The following ARHGAP10 variants were observed in gnomAD, a reference collection of about 807,000 sequenced individuals.
The protein encoded by ARHGAP10 is Rho GTPase activating protein 10.
In ARHGAP10, 87 loss-of-function variants were observed where a neutral mutation model predicts 108.6. The observed-to-expected ratio is 0.80, with a 90% confidence interval of 0.67 to 0.96. ARHGAP10 has a LOEUF of 0.96. Ranked by LOEUF, ARHGAP10 falls within the 40% of genes least tolerant of loss-of-function variation. ARHGAP10 has a pLI of 0.00. For missense variants in ARHGAP10, 939 were observed against 954.5 expected, an observed-to-expected ratio of 0.98 and a Z score of 0.21; for synonymous variants, 347 against 341.1, an observed-to-expected ratio of 1.02 and a Z score of -0.19.
At chr4:147,960,113 T>G (rs1433417695) in intron 16 of ARHGAP10, among the ~76,000 whole-genome samples, 1 of 152,230 alleles carries the variant, frequency 6.6e-6, no homozygotes, top group Non-Finnish European at 1.5e-5. Flanking sequence ...GTTTTTATTT[T>G]CTCTAGTGTT....
At chr4:147,944,430 CAT>C (rs1348453600) in intron 14 of ARHGAP10, among the ~76,000 whole-genome samples, 14 of 152,328 alleles carry the variant, frequency 9.2e-5, no homozygotes, top group African/African-American at 3.4e-4. Context: ...TAATTGACCT[CAT>C]ATGTATGATG....
At chr4:147,967,510 C>A (rs918206384) in intron 18 of ARHGAP10, among the ~76,000 whole-genome samples, 17 of 152,170 alleles carry the variant, frequency 1.1e-4, no homozygotes, top group African/African-American at 3.1e-4. Flanking sequence ...CCCAGGTGAT[C>A]CATGTTGGGG....
rs575635660 is a variant in ARHGAP10 at position 148,023,333 on chromosome 4, C to T, written c.1787C>T (p.Pro596Leu). The T allele has an allele frequency of 3.3e-5, 54 of 1,614,216 alleles. No homozygotes were observed. The South Asian group carries it at 4.8e-4, about 14-fold the overall frequency. The change falls in exon 19 of 23, where the codon CCA becomes CTA. Residue 596 changes from proline to leucine, a missense_variant. By Grantham distance (98) the Pro-to-Leu change is moderately conservative (BLOSUM62 -3). Coordinates refer to ENST00000336498, the MANE Select transcript of ARHGAP10 (RefSeq NM_024605.4). ...TCLSASPPNA[P>L]PRQSKRQGQR... ...CTGTCAGCATCACCCCCAAATGCGC[C>T]ACCAAGGCAGTCGAAGAGACAAGGC...
chr4:147,885,967 G>A (rs554964272), intron 10 of ARHGAP10, among the ~76,000 whole-genome samples: 1 of 152,290 alleles, frequency 6.6e-6, no homozygotes, highest in East Asian at 1.9e-4. Context: ...AATGCCACAA[G>A]TGGAGAATTC....
chr4:148,003,107 A>G (rs1740796526), intron 18 of ARHGAP10, among the ~76,000 whole-genome samples: 1 of 152,172 alleles, frequency 6.6e-6, no homozygotes, highest in African/African-American at 2.4e-5. Flanking sequence ...AGATTCTGGT[A>G]TGCTGTGTCG....
At chr4:148,066,918 T>C (rs1008324358) in intron 22 of ARHGAP10, among the ~76,000 whole-genome samples, 1 of 152,222 alleles carries the variant, frequency 6.6e-6, no homozygotes, top group African/African-American at 2.4e-5. Context: ...TAGTGTGCCA[T>C]AGACGAGGCT....
intron 18 of ARHGAP10, among the ~76,000 whole-genome samples, chr4:147,983,584 C>T (rs1739916855): frequency 6.6e-6 from 1 of 151,106 alleles, no homozygotes; most frequent in Non-Finnish European, 1.5e-5. Context: ...TTTGCATGGT[C>T]TCATCTGCCG....
intron 1 of ARHGAP10, among the ~76,000 whole-genome samples, chr4:147,759,907 C>T (rs1729525879): frequency 6.6e-6 from 1 of 152,096 alleles, no homozygotes; most frequent in Non-Finnish European, 1.5e-5. Context: ...TGCCACCATG[C>T]CTGGCTAATT....
chr4:147,836,558 C>T lies in ARHGAP10; in HGVS notation c.313-10593C>T, dbSNP rs547049536. 5.3e-5 allele frequency among the ~76,000 whole-genome samples: 8 copies of T among 152,286 alleles called. No homozygotes were observed. The South Asian group carries it at 8.3e-4, about 16-fold the overall frequency. On this transcript the variant is annotated intron_variant, in intron 3 of 22. Transcript: ENST00000336498. ...TATTCAACAGCCATTTCCTATTAAT[C>T]GGCTCCTGATTTTCAAGTTTGAACC...
intron 1 of ARHGAP10, among the ~76,000 whole-genome samples, chr4:147,747,207 G>A (rs1728964609): frequency 6.6e-6 from 1 of 150,926 alleles, no homozygotes; most frequent in East Asian, 1.9e-4. Flanking sequence ...TTATCTCACC[G>A]GAGTCATGCT....
chr4:147,819,814 C>A (rs10029385), intron 1 of ARHGAP10, among the ~76,000 whole-genome samples: 18,147 of 152,142 alleles, frequency 0.12, 1,316 homozygotes, highest in African/African-American at 0.21. Context: ...CCGTCTCGGC[C>A]TCCCAGAGTG....
chr4:147,815,374 C>T (rs1732194528), intron 1 of ARHGAP10, among the ~76,000 whole-genome samples: 1 of 152,174 alleles, frequency 6.6e-6, no homozygotes, highest in Non-Finnish European at 1.5e-5. Flanking sequence ...CCAGTGATGT[C>T]CTGTCCTAAT....
chr4:148,037,018 G>A (rs975486092), intron 19 of ARHGAP10, among the ~76,000 whole-genome samples: 2 of 152,222 alleles, frequency 1.3e-5, no homozygotes, highest in Non-Finnish European at 2.9e-5. Flanking sequence ...AGCTAGGTGA[G>A]ATAGGTGGTT....
chr4:147,999,321 T>C (rs185259029), intron 18 of ARHGAP10, among the ~76,000 whole-genome samples: 1 of 152,394 alleles, frequency 6.6e-6, no homozygotes, highest in African/African-American at 2.4e-5. Flanking sequence ...CATCAATGGC[T>C]ACCCTCTTTG....
chr4:148,054,989 G>A (rs1372070616), intron 20 of ARHGAP10, among the ~76,000 whole-genome samples: 3 of 152,154 alleles, frequency 2.0e-5, no homozygotes, highest in African/African-American at 4.8e-5. Context: ...TTCAGACCTC[G>A]AATGCCCCCT....
chr4:147,759,749 A>T (rs1729519682), intron 1 of ARHGAP10, among the ~76,000 whole-genome samples: 1 of 151,774 alleles, frequency 6.6e-6, no homozygotes, highest in African/African-American at 2.4e-5. Flanking sequence ...ATTTAATTTA[A>T]TTTGATTAAT....
intron 3 of ARHGAP10, among the ~76,000 whole-genome samples, chr4:147,824,183 G>A (rs1301841839): frequency 6.6e-6 from 1 of 152,072 alleles, no homozygotes; most frequent in Non-Finnish European, 1.5e-5. Context: ...TTAGCTGGGT[G>A]TGGTGGCATG....
At chr4:147,747,087 G>A (rs1317377873) in intron 1 of ARHGAP10, among the ~76,000 whole-genome samples, 2 of 152,118 alleles carry the variant, frequency 1.3e-5, no homozygotes, top group African/African-American at 4.8e-5. Flanking sequence ...ACCCAGAAAG[G>A]CCGCTGTTTC....
intron 9 of ARHGAP10, among the ~76,000 whole-genome samples, chr4:147,879,986 C>T (rs1056037826): frequency 6.6e-6 from 1 of 152,186 alleles, no homozygotes; most frequent in Non-Finnish European, 1.5e-5. Context: ...TTGTTCTGTT[C>T]ATCTTACAAA....
Sources: allele counts gnomAD v4.1 joint callset (sites outside exome capture counted in the v4.1 genomes callset), GRCh38; gene constraint gnomAD v4.1.1; transcripts MANE v1.5; gene names NCBI Gene and HGNC (gene_info 2026-07-23, HGNC 2026-07-21).